SAMD7: variants seen among roughly 807,000 people sequenced by gnomAD.
SAMD7 encodes the protein sterile alpha motif domain containing 7.
A neutral mutation model predicts 36.7 loss-of-function variants in SAMD7; 34 were observed. That is an observed-to-expected ratio of 0.93 (90% confidence interval 0.71 to 1.23). The LOEUF (loss-of-function observed/expected upper bound fraction) is 1.23. Among genes scored for constraint, SAMD7 ranks in the 50% most tolerant of loss-of-function variants. The pLI is 0.00. For synonymous variants in SAMD7, 188 were observed against 189.7 expected, an observed-to-expected ratio of 0.99 and a Z score of 0.07; for missense variants, 570 against 546.6, an observed-to-expected ratio of 1.04 and a Z score of -0.43.
At chr3:169,926,296 C>G in intron 5 of SAMD7, 3 of 1,391,300 alleles carry the variant, frequency 2.2e-6, no homozygotes, top group Non-Finnish European at 2.8e-6. Context: ...TAAGCCCCAT[C>G]CCTGCTAAAT....
intron 4 of SAMD7, among the ~76,000 whole-genome samples, chr3:169,922,327 T>G (rs978877411): frequency 6.6e-6 from 1 of 151,484 alleles, no homozygotes; most frequent in Non-Finnish European, 1.5e-5. Context: ...ACTAACAGAG[T>G]CCAGAGATGA....
Position 169,938,301 on chromosome 3 carries a change from T to C in SAMD7, c.1153-17T>C, listed in dbSNP as rs764407389. On this transcript the variant is annotated splice_polypyrimidine_tract_variant and intron_variant, in intron 8 of 8. Transcript: ENST00000335556. ...AAATTCATAGAATTGATTACTATAATTATTTTGTCTTAAAAGGTATCTCAG... is the reference window on the plus strand; with the variant it reads ...AAATTCATAGAATTGATTACTATAACTATTTTGTCTTAAAAGGTATCTCAG... 1 of 1,537,508 alleles carries C rather than the reference T, an allele frequency of 6.5e-7. No homozygotes were observed. Among genetic ancestry groups the C allele is most frequent in the South Asian group, 1.2e-5 (1 of 85,686 alleles).
rs777383500 is a variant in SAMD7 at position 169,938,538 on chromosome 3, A to G, written c.*32A>G. On this transcript the variant is annotated 3_prime_UTR_variant, in exon 9 of 9. Transcript: ENST00000335556. ...TCAAGGAGGAAGAATAGTCTTAGCC[A>G]GTTTTCCAAAGAGCCTAGGATATTA... The G allele has an allele frequency of 1.5e-6, 2 of 1,371,874 alleles. No individual in the cohort carries two copies. Among genetic ancestry groups the G allele is most frequent in the African/African-American group, 2.9e-5 (2 of 69,292 alleles). 85.0% of individuals were successfully genotyped at this position (1,371,874 alleles called of 1,614,324 possible). A position where few individuals can be genotyped will look rare whatever the true frequency, so the allele number is the denominator to read the frequency against.
chr3:169,936,274 G>A (rs112313425), intron 7 of SAMD7, 65 bp from the exon 8 acceptor site: 1 of 1,007,782 alleles, frequency 9.9e-7, no homozygotes, highest in Non-Finnish European at 1.5e-6. Flanking sequence ...AAATATCTAG[G>A]TGGTAAAAGA....
chr3:169,915,866 C>T (rs1712776640), intron 2 of SAMD7, among the ~76,000 whole-genome samples: 1 of 152,076 alleles, frequency 6.6e-6, no homozygotes, highest in Non-Finnish European at 1.5e-5. Flanking sequence ...GCGTGAGCCA[C>T]CACACCCAGC....
chr3:169,926,001 T>A (rs767153898), intron 5 of SAMD7, among the ~76,000 whole-genome samples: 2 of 152,114 alleles, frequency 1.3e-5, no homozygotes, highest in Non-Finnish European at 2.9e-5. Flanking sequence ...TAACAATGAA[T>A]AGGGTATGGC....
At chr3:169,917,884 G>A (rs1712876057) in intron 2 of SAMD7, among the ~76,000 whole-genome samples, 1 of 151,550 alleles carries the variant, frequency 6.6e-6, no homozygotes, top group South Asian at 2.1e-4. Context: ...CTCATGATCC[G>A]CCCGCCTCGG....
At chr3:169,918,577 T>C (rs902382914) in intron 2 of SAMD7, among the ~76,000 whole-genome samples, 2 of 152,234 alleles carry the variant, frequency 1.3e-5, no homozygotes, top group Non-Finnish European at 2.9e-5. Flanking sequence ...AGTAGTCCTT[T>C]TTTCTGATCA....
intron 7 of SAMD7, among the ~76,000 whole-genome samples, chr3:169,934,390 C>T (rs542684213): frequency 6.6e-6 from 1 of 152,180 alleles, no homozygotes; most frequent in South Asian, 2.1e-4. Context: ...ACCGATGGTC[C>T]TCCCTTCCGG....
At position 169,936,574 on chromosome 3, in the gene SAMD7, T is replaced by C. The variant is rs1020923455; in HGVS notation, c.1152+125T>C. The C allele has an allele frequency of 4.1e-5, 26 of 626,822 alleles. 1 individual carries two copies. In the East Asian group the frequency reaches 7.2e-4, roughly 17 times the overall value. The allele number at this position is 626,822 out of a possible 1,614,324, so 38.8% of individuals were successfully genotyped here. A position where few individuals can be genotyped will look rare whatever the true frequency, so the allele number is the denominator to read the frequency against. On this transcript the variant is annotated intron_variant, in intron 8 of 8. Coordinates refer to ENST00000335556, the MANE Select transcript of SAMD7 (RefSeq NM_001304366.2). ...CTTCTTTATTGCTTTCCCTCTGTGG[T>C]TGAGGACATAATAGAAGTGAGGGAC... is the stretch of plus-strand genomic sequence containing the variant.
intron 4 of SAMD7, 78 bp from the exon 5 acceptor site, chr3:169,924,980 G>C: frequency 1.2e-6 from 1 of 856,820 alleles, no homozygotes; most frequent in South Asian, 1.6e-5. Context: ...GTTTTACATT[G>C]TTATAGTTTA....
At chr3:169,922,749 T>C (rs1015324370) in intron 4 of SAMD7, among the ~76,000 whole-genome samples, 2 of 152,206 alleles carry the variant, frequency 1.3e-5, no homozygotes, top group African/African-American at 4.8e-5. Context: ...TCCACTTGCT[T>C]CAGCCTCCCA....
intron 7 of SAMD7, chr3:169,932,443 C>A: frequency 1.6e-6 from 1 of 610,730 alleles, no homozygotes; most frequent in Non-Finnish European, 3.2e-6. Context: ...AGACACAATG[C>A]GGAGGTAGCA....
chr3:169,922,661 G>A (rs1433854654), intron 4 of SAMD7, among the ~76,000 whole-genome samples: 3 of 151,970 alleles, frequency 2.0e-5, no homozygotes, highest in South Asian at 2.1e-4. Context: ...CACCACACCC[G>A]GCTAATTTTT....
chr3:169,918,015 G>T (rs371482085), intron 2 of SAMD7, among the ~76,000 whole-genome samples: 2 of 152,042 alleles, frequency 1.3e-5, no homozygotes, highest in South Asian at 4.2e-4. Context: ...TCAGCTCAAC[G>T]CAACCTCCAC....
intron 7 of SAMD7, among the ~76,000 whole-genome samples, chr3:169,931,400 G>C (rs1713489351): frequency 6.6e-6 from 1 of 151,982 alleles, no homozygotes; most frequent in Non-Finnish European, 1.5e-5. Flanking sequence ...CAGTCCCCTG[G>C]CTGCCAGCCT....
chr3:169,922,977 A>T (rs1713111005), intron 4 of SAMD7, among the ~76,000 whole-genome samples: 1 of 152,248 alleles, frequency 6.6e-6, no homozygotes. Flanking sequence ...GAGCAATTTC[A>T]GTAGAGTCGT....
chr3:169,923,351 C>T (rs1713127316), intron 4 of SAMD7, among the ~76,000 whole-genome samples: 1 of 152,170 alleles, frequency 6.6e-6, no homozygotes, highest in Non-Finnish European at 1.5e-5. Flanking sequence ...CCAAAGGAGA[C>T]AGTCCAACAG....
chr3:169,912,921 T>C (rs1576824208), intron 1 of SAMD7, among the ~76,000 whole-genome samples: 1 of 152,062 alleles, frequency 6.6e-6, no homozygotes, highest in South Asian at 2.1e-4. Flanking sequence ...GAAGGCCTAT[T>C]TGGGTTGTGC....
Sources: gnomAD v4.1 joint callset for allele counts (sites outside exome capture counted in the v4.1 genomes callset) on GRCh38, gnomAD v4.1.1 for gene constraint, MANE v1.5 for transcripts, NCBI Gene and HGNC (gene_info 2026-07-23, HGNC 2026-07-21) for gene names.